PTPRG: variants seen among roughly 807,000 people sequenced by gnomAD.
PTPRG encodes receptor-type tyrosine-protein phosphatase gamma.
In PTPRG, 102 loss-of-function variants were observed where a neutral mutation model predicts 165.3. The observed-to-expected ratio is 0.62, with a 90% CI of 0.53 to 0.73. The LOEUF is 0.73. Among genes scored for constraint, PTPRG ranks in the 30% least tolerant of loss-of-function variants. PTPRG has a pLI of 0.00. For missense variants in PTPRG, 1,866 were observed against 1,861.4 expected (o/e 1.00, Z -0.05); for synonymous variants, 675 against 669.5 (o/e 1.01, Z -0.13).
chr3:61,800,334 C>CA (rs902050224), intron 2 of PTPRG, among the ~76,000 whole-genome samples: 6 of 151,504 alleles, frequency 4.0e-5, no homozygotes, highest in South Asian at 2.1e-4. Context: ...ACAGAAAACA[C>CA]AAAAAAAATT....
At chr3:61,662,700 G>T (rs1702699184) in intron 1 of PTPRG, among the ~76,000 whole-genome samples, 2 of 152,170 alleles carry the variant, frequency 1.3e-5, no homozygotes, top group South Asian at 4.1e-4. Context: ...TTGGAATGGG[G>T]TCCAATGATG....
chr3:61,777,707 A>T (rs996129197), intron 2 of PTPRG, among the ~76,000 whole-genome samples: 3 of 152,224 alleles, frequency 2.0e-5, no homozygotes, highest in African/African-American at 7.2e-5. Flanking sequence ...AGGGTATCAC[A>T]CAGGAGGATT....
chr3:61,593,546 C>T (rs939106300), intron 1 of PTPRG, among the ~76,000 whole-genome samples: 2 of 151,984 alleles, frequency 1.3e-5, no homozygotes, highest in East Asian at 1.9e-4. Context: ...CTTTTCTTAG[C>T]TAAACAAAAT....
At chr3:62,253,965 C>T (rs1361378020) in intron 15 of PTPRG, among the ~76,000 whole-genome samples, 5 of 152,180 alleles carry the variant, frequency 3.3e-5, no homozygotes, top group Admixed American at 3.3e-4. Flanking sequence ...CTATTTTCCA[C>T]TTAAGCATGA....
chr3:61,784,310 G>T (rs2034631533), intron 2 of PTPRG, among the ~76,000 whole-genome samples: 1 of 152,172 alleles, frequency 6.6e-6, no homozygotes. Context: ...TGGATTGAGC[G>T]AGAAGCAGCC....
chr3:61,692,994 A>C (rs184274916), intron 1 of PTPRG, among the ~76,000 whole-genome samples: 1 of 152,192 alleles, frequency 6.6e-6, no homozygotes, highest in African/African-American at 2.4e-5. Context: ...CCCTATTAGT[A>C]ACAGTTGTTT....
At chr3:61,856,900 CA>C (rs1478115957) in intron 2 of PTPRG, among the ~76,000 whole-genome samples, 2 of 152,198 alleles carry the variant, frequency 1.3e-5, no homozygotes, top group East Asian at 3.9e-4. Flanking sequence ...CATTTAAAGT[CA>C]CATAAGCAGT....
At chr3:61,796,243 C>T (rs1007277980) in intron 2 of PTPRG, among the ~76,000 whole-genome samples, 2 of 152,160 alleles carry the variant, frequency 1.3e-5, no homozygotes, top group Non-Finnish European at 2.9e-5. Flanking sequence ...ATCCATTAGT[C>T]CACACGCAGA....
chr3:61,619,734 G>A (rs1341101185), intron 1 of PTPRG, among the ~76,000 whole-genome samples: 9 of 152,168 alleles, frequency 5.9e-5, no homozygotes, highest in Admixed American at 5.9e-4. Context: ...CAAGGAAGGT[G>A]AGCTATGAAT....
chr3:61,866,283 A>T (rs1411275844), intron 2 of PTPRG, among the ~76,000 whole-genome samples: 10 of 152,274 alleles, frequency 6.6e-5, no homozygotes, highest in African/African-American at 2.4e-4. Flanking sequence ...CCTGATACAG[A>T]TGATTTCATT....
At chr3:61,657,005 T>A (rs1440871902) in intron 1 of PTPRG, among the ~76,000 whole-genome samples, 1 of 152,182 alleles carries the variant, frequency 6.6e-6, no homozygotes, top group East Asian at 1.9e-4. Flanking sequence ...CATAACAGAT[T>A]AACAAGAGAA....
intron 1 of PTPRG, among the ~76,000 whole-genome samples, chr3:61,609,142 G>C (rs1701094867): frequency 6.6e-6 from 1 of 152,158 alleles, no homozygotes; most frequent in Admixed American, 6.5e-5. Flanking sequence ...CTTCATCAAG[G>C]TATAGGAAGT....
At chr3:61,629,943 A>C (rs1701723755) in intron 1 of PTPRG, among the ~76,000 whole-genome samples, 1 of 152,234 alleles carries the variant, frequency 6.6e-6, no homozygotes, top group South Asian at 2.1e-4. Flanking sequence ...CCGATATTAA[A>C]ATGTTTGTTC....
At chr3:61,659,951 G>A (rs992676672) in intron 1 of PTPRG, among the ~76,000 whole-genome samples, 1 of 152,118 alleles carries the variant, frequency 6.6e-6, no homozygotes, top group East Asian at 1.9e-4. Flanking sequence ...TTCTGGCCGG[G>A]CGCGGTGGCT....
rs1214112343 is a variant in PTPRG at position 61,887,119 on chromosome 3, CATGCATATATATATATATAT to C, written c.191-102503_191-102484del. ...AACTATTTTTAAAGTATAACCATAGCATGCATATATATATATATATATATATATATATATATATATATATA... is the reference window on the plus strand; with the variant it reads ...AACTATTTTTAAAGTATAACCATAGCATATATATATATATATATATATATA... On this transcript the variant is annotated intron_variant, in intron 2 of 29. Coordinates refer to ENST00000474889, the MANE Select transcript of PTPRG (RefSeq NM_002841.4). 6.9e-3 allele frequency among the ~76,000 whole-genome samples: 718 copies of C among 103,414 alleles called. 39 individuals carry two copies. Among genetic ancestry groups the C allele is most frequent in the African/African-American group, 0.022 (540 of 24,618 alleles). The allele number at this position is 103,414 out of a possible 152,430, so 67.8% of individuals were successfully genotyped here.
At chr3:62,070,602 G>A (rs925325802) in intron 4 of PTPRG, among the ~76,000 whole-genome samples, 4 of 152,252 alleles carry the variant, frequency 2.6e-5, no homozygotes, top group African/African-American at 7.2e-5. Context: ...GAGTTAGAGT[G>A]TAGTGTGTTG....
intron 1 of PTPRG, among the ~76,000 whole-genome samples, chr3:61,634,166 A>G (rs1011812803): frequency 6.6e-5 from 10 of 151,932 alleles, no homozygotes; most frequent in African/African-American, 1.9e-4. Flanking sequence ...TCTGTGTGCC[A>G]TATGATCTAT....
intron 2 of PTPRG, among the ~76,000 whole-genome samples, chr3:61,823,988 G>C (rs1408053721): frequency 6.6e-6 from 1 of 152,198 alleles, no homozygotes; most frequent in African/African-American, 2.4e-5. Context: ...GCCAGGCGTG[G>C]TGGCGGGCGC....
intron 2 of PTPRG, among the ~76,000 whole-genome samples, chr3:61,786,834 T>C (rs1023187734): frequency 5.3e-5 from 8 of 152,200 alleles, no homozygotes; most frequent in African/African-American, 1.7e-4. Flanking sequence ...CATTGTGTCT[T>C]TGAAATGTCC....
Sources: gnomAD v4.1 joint callset for allele counts (sites outside exome capture counted in the v4.1 genomes callset) on GRCh38, gnomAD v4.1.1 for gene constraint, MANE v1.5 for transcripts, NCBI Gene and HGNC (gene_info 2026-07-23, HGNC 2026-07-21) for gene names.